Variants in FAT3 observed in about 807,000 individuals in gnomAD.
FAT3 encodes protocadherin Fat 3.
FAT3 carries 95 observed loss-of-function variants against 310.2 expected under a neutral mutation model. The observed-to-expected ratio is 0.31, with a 90% confidence interval of 0.26 to 0.36. The LOEUF is 0.36. Among genes scored for constraint, FAT3 ranks in the 10% least tolerant of loss-of-function variants. The pLI is 1.00. For missense variants in FAT3, 5,408 were observed against 5,715.6 expected (o/e 0.95, Z 1.74); for synonymous variants, 2,314 against 2,192.9 (o/e 1.06, Z -1.54).
chr11:92,425,373 C>T (rs890862538), intron 2 of FAT3, among the ~76,000 whole-genome samples: 2 of 151,864 alleles, frequency 1.3e-5, no homozygotes, highest in Non-Finnish European at 2.9e-5. Flanking sequence ...CAACAAAAAG[C>T]CACTTCCTTT....
rs1949007902 is a variant in FAT3, at chr11:92,857,361, G to A, written c.11500+13G>A. 1.2e-6 allele frequency: 2 copies of A among 1,613,878 alleles called. No individual in the cohort carries two copies. The highest frequency in any genetic ancestry group is 1.7e-6 in the Non-Finnish European group (2 of 1,179,858). On this transcript the variant is annotated intron_variant, in intron 20 of 27. Coordinates refer to ENST00000525166, the MANE Select transcript of FAT3 (RefSeq NM_001367949.2). The stretch of plus-strand genomic sequence containing the variant: ...GGAGAGTGCTCAGGTGCAGAGTGGA[G>A]TGGAATGATGCAGATCTAATTTCAT...
At chr11:92,392,689 C>T (rs1949777127) in intron 2 of FAT3, among the ~76,000 whole-genome samples, 1 of 152,162 alleles carries the variant, frequency 6.6e-6, no homozygotes, top group Non-Finnish European at 1.5e-5. Context: ...GTCTGGTTTC[C>T]TGTTGTATCT....
intron 2 of FAT3, among the ~76,000 whole-genome samples, chr11:92,486,552 T>G (rs1184312857): frequency 1.3e-5 from 2 of 152,172 alleles, no homozygotes; most frequent in East Asian, 3.9e-4. Flanking sequence ...TGTAATTAAG[T>G]GCAATTTTAA....
chr11:92,645,416 A>T (rs990758436), intron 3 of FAT3, among the ~76,000 whole-genome samples: 18 of 152,078 alleles, frequency 1.2e-4, no homozygotes, highest in African/African-American at 4.3e-4. Flanking sequence ...CATTTCTGAA[A>T]AGCTGGGGGT....
intron 13 of FAT3, among the ~76,000 whole-genome samples, chr11:92,823,555 G>A (rs1174361362): frequency 6.6e-6 from 1 of 152,144 alleles, no homozygotes; most frequent in East Asian, 1.9e-4. Flanking sequence ...AAGAGTCCCT[G>A]TATTTTTATT....
intron 1 of FAT3, among the ~76,000 whole-genome samples, chr11:92,312,495 C>T (rs763137279): frequency 3.3e-5 from 5 of 152,096 alleles, no homozygotes; most frequent in South Asian, 2.1e-4. Flanking sequence ...TAATAGGTCC[C>T]GCTAATCATT....
rs893815384 is a variant in FAT3 at position 92,499,703 on chromosome 11, G to A, written c.3293-24931G>A. 6.3e-5 allele frequency among the ~76,000 whole-genome samples: 9 copies of A among 142,476 alleles called. No individual in the cohort carries two copies. The East Asian group carries it at 2.0e-3, about 31-fold the overall frequency. 93.5% of individuals were successfully genotyped at this position (142,476 alleles called of 152,430 possible). On this transcript the variant is annotated intron_variant, in intron 2 of 27. Transcript: ENST00000525166. ...TCTATGTGAACAAAGTCTTGATCTT[G>A]TGTGTGTGTATGTGTGTGTATGTGT...
chr11:92,803,415 T>C (rs1211375624), intron 10 of FAT3, among the ~76,000 whole-genome samples: 2 of 152,246 alleles, frequency 1.3e-5, no homozygotes, highest in African/African-American at 4.8e-5. Flanking sequence ...AATCATTTTA[T>C]GTAACAAAAG....
chr11:92,726,599 G>A (rs559645507), intron 4 of FAT3, among the ~76,000 whole-genome samples: 2 of 152,008 alleles, frequency 1.3e-5, no homozygotes, highest in Non-Finnish European at 1.5e-5. Flanking sequence ...CCCTTCACAC[G>A]TGACATGATA....
In FAT3 at chr11:92,844,403, C is replaced by T. The variant is rs1313589521; in HGVS notation, c.11036C>T (p.Thr3679Ile). The T allele has an allele frequency of 1.9e-6, 3 of 1,613,806 alleles. No individual in the cohort carries two copies. In the African/African-American group the frequency reaches 4.0e-5, roughly 22 times the overall value. Residue 3679 changes from threonine to isoleucine, a missense_variant, in exon 19 of 28, where the codon ACC becomes ATC. Thr to Ile is a moderately conservative substitution (Grantham distance 89). This residue lies in a region of FAT3 where 4,588 missense variants were observed against 4,809.8 expected (regional missense o/e 0.95). Coordinates refer to ENST00000525166, the MANE Select transcript of FAT3 (RefSeq NM_001367949.2). ...CGCACCCTGCGGAATGCAGTCCTCACCCAGAAGCAGGACAGCCTGCGCATC... is the reference window on the plus strand; with the variant it reads ...CGCACCCTGCGGAATGCAGTCCTCATCCAGAAGCAGGACAGCCTGCGCATC... ...FRRTLRNAVL[T>I]QKQDSLRIIS...
intron 24 of FAT3, 36 bp from the exon 25 acceptor site, chr11:92,886,964 G>T: frequency 6.5e-7 from 1 of 1,527,334 alleles, no homozygotes; most frequent in Non-Finnish European, 8.9e-7. Context: ...AAGGTAACCA[G>T]TGTAATTTCT....
intron 19 of FAT3, 48 bp downstream of exon 19, chr11:92,844,780 G>C: frequency 6.9e-7 from 1 of 1,448,424 alleles, no homozygotes; most frequent in Non-Finnish European, 9.2e-7. Flanking sequence ...GATTGTAGGA[G>C]TAGAATGAGT....
chr11:92,237,879 T>C (rs896016232), intron 1 of FAT3, among the ~76,000 whole-genome samples: 4 of 152,152 alleles, frequency 2.6e-5, no homozygotes, highest in Non-Finnish European at 5.9e-5. Context: ...GAATAAGATG[T>C]AGGAAATGGG....
intron 1 of FAT3, among the ~76,000 whole-genome samples, chr11:92,271,928 A>G (rs1946132743): frequency 6.6e-6 from 1 of 152,146 alleles, no homozygotes; most frequent in African/African-American, 2.4e-5. Context: ...AACTCTTGGA[A>G]TAAGTCTATA....
chr11:92,890,015 G>A (rs866636514), intron 27 of FAT3, 124 bp downstream of exon 27: 65 of 713,466 alleles, frequency 9.1e-5, no homozygotes, highest in South Asian at 4.2e-4. Context: ...TGTCTCGTGC[G>A]CTCAGTATTG....
At chr11:92,554,063 C>G (rs1827668974) in intron 3 of FAT3, among the ~76,000 whole-genome samples, 2 of 152,006 alleles carry the variant, frequency 1.3e-5, no homozygotes, top group Admixed American at 1.3e-4. Flanking sequence ...ACCTTAGACT[C>G]CCAAAGTGCT....
chr11:92,713,242 T>C (rs1472912103), intron 4 of FAT3, among the ~76,000 whole-genome samples: 1 of 152,214 alleles, frequency 6.6e-6, no homozygotes, highest in Non-Finnish European at 1.5e-5. Context: ...CAAAGAATGA[T>C]AAGCAAAGGG....
At chr11:92,757,523 G>A (rs191685905) in intron 4 of FAT3, among the ~76,000 whole-genome samples, 20 of 152,236 alleles carry the variant, frequency 1.3e-4, no homozygotes, top group Admixed American at 1.0e-3. Context: ...CCTTTCATAT[G>A]GGCTAATTCG....
chr11:92,426,524 C>G lies in FAT3; in HGVS notation c.3292+71120C>G, dbSNP rs562332929. ...ATGGTTTTAGGTCTTACTTTTAAAT[C>G]TTCAATCCATCTTGAGTTAATTTTT... On this transcript the variant is annotated intron_variant, in intron 2 of 27. Transcript: ENST00000525166. Among the ~76,000 whole-genome samples the G allele has an allele frequency of 6.6e-5, 10 of 152,248 alleles. 1 individual carries two copies. The highest frequency in any genetic ancestry group is 1.5e-4 in the Non-Finnish European group (10 of 68,000).
Sources: gnomAD v4.1 joint callset for allele counts (sites outside exome capture counted in the v4.1 genomes callset) on GRCh38, gnomAD v4.1.1 for gene constraint, gnomAD v4.1.1 regional missense constraint, MANE v1.5 for transcripts, NCBI Gene and HGNC (gene_info 2026-07-23, HGNC 2026-07-21) for gene names.